ITGA11: variants seen among roughly 807,000 people sequenced by gnomAD.
ITGA11 encodes the protein integrin alpha-11.
Under a neutral mutation model 141.9 loss-of-function variants are expected in ITGA11, and 97 were observed. That is an observed-to-expected ratio of 0.68 (90% confidence interval 0.58 to 0.81). The LOEUF (loss-of-function observed/expected upper bound fraction) is 0.81. Among genes scored for constraint, ITGA11 ranks in the 30% least tolerant of loss-of-function variants. The pLI is 0.00. For synonymous variants in ITGA11, 658 were observed against 624.6 expected (o/e 1.05, Z -0.80); for missense variants, 1,387 against 1,559.2 (o/e 0.89, Z 1.86).
chr15:68,367,373 CCTTT>C (rs1895456149), intron 3 of ITGA11, among the ~76,000 whole-genome samples: 1 of 152,184 alleles, frequency 6.6e-6, no homozygotes, highest in African/African-American at 2.4e-5. Context: ...AACCACATGG[CCTTT>C]CTTTATCTTC....
chr15:68,360,913 TCCCGAA>T lies in ITGA11; in HGVS notation c.472+671_472+676del, dbSNP rs374688892. 5.0e-3 allele frequency among the ~76,000 whole-genome samples: 756 copies of T among 152,120 alleles called. 5 individuals carry two copies. Among genetic ancestry groups the T allele is most frequent in the African/African-American group, 0.018 (729 of 41,488 alleles). On this transcript the variant is annotated intron_variant, in intron 5 of 29. Transcript: ENST00000315757. ...CTGCAGGCAAGCCAGAGGTGCCAAT[TCCCGAA>T]CCCTCCATAAAACGGGCAGCAGCTG...
intron 1 of ITGA11, among the ~76,000 whole-genome samples, chr15:68,414,763 C>T (rs755686619): frequency 6.6e-6 from 1 of 152,130 alleles, no homozygotes; most frequent in South Asian, 2.1e-4. Context: ...TGAGGTCATT[C>T]CCTCCTTCCC....
At chr15:68,358,691 G>T in intron 5 of ITGA11, 106 bp from the exon 6 acceptor site, 2 of 1,236,816 alleles carry the variant, frequency 1.6e-6, no homozygotes, top group Non-Finnish European at 2.2e-6. Flanking sequence ...TGCTCCATAT[G>T]TGTAATTCCC....
intron 2 of ITGA11, among the ~76,000 whole-genome samples, chr15:68,393,598 A>G (rs1008490796): frequency 1.3e-5 from 2 of 152,168 alleles, no homozygotes; most frequent in Non-Finnish European, 2.9e-5. Context: ...TAGATAAGAA[A>G]TACTTCAAAA....
intron 1 of ITGA11, among the ~76,000 whole-genome samples, chr15:68,430,354 A>G (rs572993179): frequency 1.3e-5 from 2 of 152,344 alleles, no homozygotes; most frequent in Admixed American, 1.3e-4. Flanking sequence ...TTTACAGGAC[A>G]CGGAATTTGT....
Position 68,356,683 on chromosome 15 carries a change from A to G in ITGA11, c.749+468T>C, listed in dbSNP as rs547213259. 3.3e-5 allele frequency among the ~76,000 whole-genome samples: 5 copies of G among 152,320 alleles called. No individual in the cohort carries two copies. In the South Asian group the frequency reaches 8.3e-4, roughly 25 times the overall value. ...TTCCCCTTGAATCTGGCCTGGGCTC[A>G]GTCACTTGCCCAACCAATAGAATGT... is the stretch of plus-strand genomic sequence containing the variant. On this transcript the variant is annotated intron_variant, in intron 7 of 29. Transcript: ENST00000315757.
chr15:68,376,653 C>A (rs1895736087), intron 2 of ITGA11, among the ~76,000 whole-genome samples: 1 of 152,254 alleles, frequency 6.6e-6, no homozygotes, highest in South Asian at 2.1e-4. Context: ...TGTCTTCCAA[C>A]ATGGGTTGAC....
chr15:68,338,098 G>A (rs925490345), intron 11 of ITGA11, among the ~76,000 whole-genome samples: 2 of 152,196 alleles, frequency 1.3e-5, no homozygotes, highest in Non-Finnish European at 2.9e-5. Flanking sequence ...ATGCCTCGAG[G>A]CACCTGCACC....
Position 68,317,265 on chromosome 15 carries a change from C to T in ITGA11, c.2715G>A (p.Lys905=), listed in dbSNP as rs772450012. The stretch of plus-strand genomic sequence containing the variant: ...CCCCCACATTGTCCCCAGTCTCAAC[C>T]TTGGCCTTGGCCCGGAAGAAGGGAT... ...VSYPFFRAKA[K]VAFRLDFEFS... Residue 905 remains lysine, a splice_region_variant and synonymous_variant, in exon 21 of 30, where the codon AAG becomes AAA. Coordinates refer to ENST00000315757, the MANE Select transcript of ITGA11 (RefSeq NM_001004439.2). 6.2e-7 allele frequency: 1 copy of T among 1,611,690 alleles called. No individual in the cohort carries two copies. The highest frequency in any genetic ancestry group is 8.5e-7 in the Non-Finnish European group (1 of 1,177,824).
chr15:68,430,954 T>C (rs920422362), intron 1 of ITGA11, among the ~76,000 whole-genome samples: 7 of 152,176 alleles, frequency 4.6e-5, no homozygotes, highest in African/African-American at 1.7e-4. Context: ...CCTCTCCCAC[T>C]ACCACCGCAT....
At chr15:68,425,114 T>C (rs553267882) in intron 1 of ITGA11, among the ~76,000 whole-genome samples, 5 of 152,300 alleles carry the variant, frequency 3.3e-5, no homozygotes, top group African/African-American at 1.2e-4. Flanking sequence ...CACATGCTGG[T>C]GAAATGGACA....
chr15:68,418,677 C>T (rs866262854), intron 1 of ITGA11, among the ~76,000 whole-genome samples: 4 of 150,142 alleles, frequency 2.7e-5, no homozygotes, highest in Non-Finnish European at 2.9e-5. Context: ...CTGTACGTGG[C>T]GGCCCTGCCC....
chr15:68,362,283 G>A (rs1895268222), intron 4 of ITGA11, among the ~76,000 whole-genome samples: 1 of 152,226 alleles, frequency 6.6e-6, no homozygotes, highest in Non-Finnish European at 1.5e-5. Context: ...CAGAGTCATT[G>A]TCATTAAAAA....
At chr15:68,362,924 TG>T (rs1430646903) in intron 4 of ITGA11, among the ~76,000 whole-genome samples, 1 of 10,668 alleles carries the variant, frequency 9.4e-5, no homozygotes, top group African/African-American at 1.9e-4. Flanking sequence ...AATGGGTGGA[TG>T]GATGATGGAT....
chr15:68,340,309 G>A (rs927692913), intron 10 of ITGA11, among the ~76,000 whole-genome samples: 2 of 152,196 alleles, frequency 1.3e-5, no homozygotes, highest in African/African-American at 4.8e-5. Flanking sequence ...ATTGAGATGG[G>A]GGTCAGGAAA....
rs199958868 is a variant in ITGA11 at position 68,307,675 on chromosome 15, C to T, written c.3196G>A (p.Val1066Ile). ...AGCCGTATATTGCAGTTGATGGAGA[C>T]GACATCAGAGTTGCTGTGATTCTGA... ...PQLNHSNSDV[V>I]SINCNIRLVP... The change falls in exon 27 of 30, where the codon GTC (valine) becomes ATC (isoleucine). Residue 1066 changes from valine (V) to isoleucine (I), a missense_variant. Val to Ile is a conservative substitution (Grantham distance 29, BLOSUM62 3). Coordinates refer to ENST00000315757, the MANE Select transcript of ITGA11 (RefSeq NM_001004439.2). This position sits in a 1 kb window ranked among gnomAD's most constrained non-coding sequence, Gnocchi z 6.1. 3.1e-5 allele frequency: 50 copies of T among 1,613,374 alleles called. No homozygotes were observed. Among genetic ancestry groups the T allele is most frequent in the East Asian group, 2.7e-4 (12 of 44,892 alleles).
At chr15:68,384,108 C>T (rs763823617) in intron 2 of ITGA11, among the ~76,000 whole-genome samples, 18 of 151,994 alleles carry the variant, frequency 1.2e-4, no homozygotes, top group Non-Finnish European at 1.6e-4. Flanking sequence ...GCACTAAGGA[C>T]GTTCTATGGC....
intron 2 of ITGA11, among the ~76,000 whole-genome samples, chr15:68,377,953 G>C (rs1895768735): frequency 6.6e-6 from 1 of 152,208 alleles, no homozygotes; most frequent in African/African-American, 2.4e-5. Flanking sequence ...AAATAGCCTA[G>C]GCCTGAGTCC....
intron 2 of ITGA11, among the ~76,000 whole-genome samples, chr15:68,373,184 T>C (rs1182564080): frequency 1.3e-5 from 2 of 152,160 alleles, no homozygotes; most frequent in African/African-American, 4.8e-5. Context: ...CCCTGGCCTT[T>C]CTCACATAAA....
Sources: gnomAD v4.1 joint callset for allele counts (sites outside exome capture counted in the v4.1 genomes callset) on GRCh38, gnomAD v4.1.1 for gene constraint, Gnocchi (gnomAD v3.1) non-coding constraint, MANE v1.5 for transcripts, NCBI Gene and HGNC (gene_info 2026-07-23, HGNC 2026-07-21) for gene names.